Variants in PCF11 observed in about 807,000 individuals in gnomAD.
PCF11 encodes pre-mRNA cleavage complex 2 protein Pcf11.
Under a neutral mutation model 166.1 loss-of-function variants are expected in PCF11, and 19 were observed. The ratio of observed to expected loss-of-function variants is 0.11; its 90% confidence interval spans 0.08 to 0.17. The LOEUF is 0.17. PCF11 is among the 10% of genes least tolerant of loss of function. The probability of loss-of-function intolerance (pLI) is 1.00; values close to 1 mark genes in which losing one functional copy is unlikely to be tolerated. For missense variants in PCF11, 1,565 were observed against 1,855.5 expected (o/e 0.84, Z 2.88); for synonymous variants, 663 against 644.1 (o/e 1.03, Z -0.44).
At chr11:83,186,885 G>A (rs2135455760) in exon 16 of PCF11, 1 of 152,192 alleles carries the variant, frequency 6.6e-6, no homozygotes, top group Non-Finnish European at 1.5e-5. Context: ...AATGCTTAAA[G>A]GTATGGAACA....
At chr11:83,182,614 G>GT (rs1861121695) in intron 14 of PCF11, 123 bp downstream of exon 14, 1 of 613,936 alleles carries the variant, frequency 1.6e-6, no homozygotes, top group African/African-American at 1.9e-5. Context: ...AATAAAAAGG[G>GT]TATTGGACTT....
chr11:83,169,747 C>T (rs1565156623), exon 8 of PCF11: 1 of 1,613,872 alleles, frequency 6.2e-7, no homozygotes, highest in Non-Finnish European at 8.5e-7. Context: ...ATATAATGAT[C>T]CACCTGGCAA....
chr11:83,163,002 C>T (rs1309574968), intron 2 of PCF11, among the ~76,000 whole-genome samples: 1 of 152,134 alleles, frequency 6.6e-6, no homozygotes. Context: ...CTTGAACTCC[C>T]TCAGGTGATC....
At chr11:83,177,667 C>A in intron 10 of PCF11, 47 bp from the exon 11 acceptor site, 1 of 942,356 alleles carries the variant, frequency 1.1e-6, no homozygotes, top group Non-Finnish European at 1.6e-6. Flanking sequence ...GTAGAGAATA[C>A]ATGGAGAATG....
At chr11:83,169,865 G>A in exon 8 of PCF11, 1 of 1,613,486 alleles carries the variant, frequency 6.2e-7, no homozygotes, top group Non-Finnish European at 8.5e-7. Context: ...GGAAACCAGA[G>A]TTTCTCTAAT....
intron 2 of PCF11, among the ~76,000 whole-genome samples, chr11:83,162,280 A>G (rs1860286017): frequency 6.6e-6 from 1 of 152,190 alleles, no homozygotes; most frequent in Admixed American, 6.5e-5. Context: ...TAGTAGATGA[A>G]CACCTGTGTG....
At chr11:83,177,884 A>T in intron 11 of PCF11, 65 bp downstream of exon 11, 1 of 612,164 alleles carries the variant, frequency 1.6e-6, no homozygotes, top group South Asian at 2.7e-5. Flanking sequence ...TATAGTGGAC[A>T]TTGTTACTAT....
Position 83,181,914 on chromosome 11 carries a change from GA to G in PCF11, c.4232del (p.Lys1411ArgfsTer53). The G allele has an allele frequency of 1.2e-6, 2 of 1,611,782 alleles. No homozygotes were observed. The highest frequency in any genetic ancestry group is 1.7e-5 in the Admixed American group (1 of 59,644). On this transcript the variant is annotated frameshift_variant, in exon 13 of 16. Coordinates refer to ENST00000298281, the Ensembl canonical transcript of PCF11. LOFTEE classifies it high-confidence loss of function. Reference sequence around the variant, plus strand: ...AGAACGGGCAAAGAGCCAGTTTTTTGAAAAGGTGCATGAAGAAGTTGTGCTC... The same window carrying G: ...AGAACGGGCAAAGAGCCAGTTTTTTGAAAGGTGCATGAAGAAGTTGTGCTC...
exon 8 of PCF11, chr11:83,169,225 G>T: frequency 6.2e-7 from 1 of 1,613,736 alleles, no homozygotes; most frequent in South Asian, 1.1e-5. Flanking sequence ...TGGTCAGTCA[G>T]TAGCTGGTCT....
At position 83,168,632 on chromosome 11, in the gene PCF11, C is replaced by T. The variant is rs374700795; in HGVS notation, c.2297C>T (p.Thr766Met). The T allele has an allele frequency of 4.3e-6, 7 of 1,613,880 alleles. No homozygotes were observed. Among genetic ancestry groups the T allele is most frequent in the South Asian group, 3.3e-5 (3 of 91,078 alleles). ...CCATCAGTAGCAAGAGATGGCCCAA[C>T]GAAGATGATTTTTGAAGGACCCAAT... is the stretch of plus-strand genomic sequence containing the variant. The change falls in exon 8 of 16, where the codon ACG becomes ATG. Residue 766 changes from threonine to methionine, a missense_variant. This residue lies in a region of PCF11 where 725 missense variants were observed against 749.3 expected (regional missense o/e 0.97). Coordinates refer to ENST00000298281, the Ensembl canonical transcript of PCF11.
At chr11:83,159,112 G>T (rs1318780167) in intron 1 of PCF11, among the ~76,000 whole-genome samples, 1 of 151,988 alleles carries the variant, frequency 6.6e-6, no homozygotes, top group South Asian at 2.1e-4. Flanking sequence ...TTCCTTTTAA[G>T]GACCTCAACA....
chr11:83,172,373 G>A (rs1216066958), intron 9 of PCF11, among the ~76,000 whole-genome samples: 1 of 152,002 alleles, frequency 6.6e-6, no homozygotes, highest in Non-Finnish European at 1.5e-5. Flanking sequence ...GTTACTATGG[G>A]GTGATGCTTA....
At chr11:83,173,522 G>T (rs1202637131) in intron 9 of PCF11, among the ~76,000 whole-genome samples, 2 of 138,626 alleles carry the variant, frequency 1.4e-5, no homozygotes, top group South Asian at 2.3e-4. Context: ...TTTTGTTGTT[G>T]TTTTTTTTTT....
intron 10 of PCF11, 119 bp downstream of exon 10, chr11:83,177,323 T>C: frequency 1.3e-6 from 1 of 757,408 alleles, no homozygotes; most frequent in Non-Finnish European, 1.9e-6. Flanking sequence ...TTCCTAGGTA[T>C]AGCTTTTATT....
exon 8 of PCF11, chr11:83,168,817 G>T: frequency 6.2e-7 from 1 of 1,613,910 alleles, no homozygotes; most frequent in Non-Finnish European, 8.5e-7. Flanking sequence ...TCCAGGACCA[G>T]TGGGGACACC....
chr11:83,163,541 A>G, intron 2 of PCF11, 138 bp from the exon 3 acceptor site: 1 of 367,626 alleles, frequency 2.7e-6, no homozygotes, highest in East Asian at 4.3e-5. Context: ...CCTTTAATAA[A>G]TTATTACTGT....
chr11:83,179,491 C>G lies in PCF11; in HGVS notation c.3984-1517C>G, dbSNP rs368284010. ...TCTCGAACTCCTGGGCTCAAGTCAT[C>G]TGCCCGCCTCGGCCTTCCAAAATGC... On this transcript the variant is annotated intron_variant, in intron 11 of 15. Transcript: ENST00000298281. 8.5e-4 allele frequency among the ~76,000 whole-genome samples: 130 copies of G among 152,284 alleles called. 1 individual carries two copies. Among genetic ancestry groups the G allele is most frequent in the African/African-American group, 3.0e-3 (125 of 41,580 alleles).
At chr11:83,179,934 G>A (rs917678802) in intron 11 of PCF11, among the ~76,000 whole-genome samples, 14 of 151,894 alleles carry the variant, frequency 9.2e-5, no homozygotes, top group Middle Eastern at 3.4e-3. Context: ...AAAAACGGGC[G>A]GGGGGTGGAT....
At chr11:83,165,865 A>G in exon 5 of PCF11, 1 of 1,606,724 alleles carries the variant, frequency 6.2e-7, no homozygotes, top group Non-Finnish European at 8.5e-7. Context: ...AACACATTAA[A>G]CCAGTCTGAT....
Sources: gnomAD v4.1 joint callset for allele counts (sites outside exome capture counted in the v4.1 genomes callset) on GRCh38, gnomAD v4.1.1 for gene constraint, gnomAD v4.1.1 regional missense constraint, MANE v1.5 for transcripts, NCBI Gene and HGNC (gene_info 2026-07-23, HGNC 2026-07-21) for gene names.